Variants in NLRP8 observed in about 807,000 individuals in gnomAD.
NLRP8 encodes the protein NLR family pyrin domain containing 8.
NLRP8 carries 86 observed loss-of-function variants against 88.7 expected under a neutral mutation model. The observed-to-expected ratio is 0.97, with a 90% CI of 0.81 to 1.16. The LOEUF (loss-of-function observed/expected upper bound fraction) is 1.16. Ranked by LOEUF, NLRP8 falls within the 50% of genes most tolerant of loss-of-function variation. The probability of loss-of-function intolerance (pLI) is 0.00; values close to 1 mark genes in which losing one functional copy is unlikely to be tolerated. For missense variants in NLRP8, 1,342 were observed against 1,286.5 expected, an observed-to-expected ratio of 1.04 and a Z score of -0.66; for synonymous variants, 504 against 494.6, an observed-to-expected ratio of 1.02 and a Z score of -0.25.
chr19:55,963,750 T>C (rs1445296499), intron 4 of NLRP8, among the ~76,000 whole-genome samples: 2 of 152,000 alleles, frequency 1.3e-5, no homozygotes, highest in African/African-American at 4.8e-5. Context: ...AGACAAGGTC[T>C]CCCTAGGTTG....
Position 55,979,446 on chromosome 19 carries a change from C to T in NLRP8, c.2929C>T (p.Leu977Phe), listed in dbSNP as rs749639883. ...CTGCTGCCAGGCCATGGCTTCCATG[C>T]TCCGCAAAAACCAACATCTGAGACA... The change falls in exon 9 of 10, where the codon CTC becomes TTC. Residue 977 changes from leucine (L) to phenylalanine (F), a missense_variant. Physicochemically the swap from Leu to Phe is conservative, Grantham distance 22. Transcript: ENST00000291971. 2 of 1,614,182 alleles carry T rather than the reference C, an allele frequency of 1.2e-6. No individual in the cohort carries two copies. The highest frequency in any genetic ancestry group is 2.2e-5 in the East Asian group (1 of 44,874).
chr19:55,987,049 G>A (rs753363517), intron 9 of NLRP8, among the ~76,000 whole-genome samples: 1 of 152,238 alleles, frequency 6.6e-6, no homozygotes, highest in South Asian at 2.1e-4. Flanking sequence ...TAAGTCTCTC[G>A]TCCTTTTCAG....
intron 9 of NLRP8, among the ~76,000 whole-genome samples, chr19:55,983,292 C>T (rs1395640365): frequency 6.6e-6 from 1 of 151,640 alleles, no homozygotes; most frequent in African/African-American, 2.4e-5. Flanking sequence ...GGTAAAACCC[C>T]ATCTCTACTA....
In NLRP8 at chr19:55,970,659, G is replaced by A. The variant is rs1269673676; in HGVS notation, c.2497G>A (p.Ala833Thr). Residue 833 changes from alanine (A) to threonine (T), a missense_variant, in exon 6 of 10, where the codon GCG becomes ACG. Ala to Thr is a moderately conservative substitution (Grantham distance 58). Transcript: ENST00000291971. The stretch of plus-strand genomic sequence containing the variant: ...AAAAAACTCCCTGGAGAACTGTGGG[G>A]CGTATTACCTGTCTGTGGCCCAGCT... 5 of 1,614,126 alleles carry A rather than the reference G, an allele frequency of 3.1e-6. No homozygotes were observed. The South Asian group carries it at 3.3e-5, about 11-fold the overall frequency.
chr19:55,973,771 A>T lies in NLRP8; in HGVS notation c.2654A>T (p.Lys885Met). The T allele has an allele frequency of 1.9e-6, 3 of 1,614,090 alleles. No homozygotes were observed. Among genetic ancestry groups the T allele is most frequent in the Non-Finnish European group, 2.5e-6 (3 of 1,179,972 alleles). Residue 885 changes from lysine to methionine, a missense_variant, in exon 7 of 10, where the codon AAG becomes ATG. By Grantham distance (95) the Lys-to-Met change is moderately conservative. Coordinates refer to ENST00000291971, the MANE Select transcript of NLRP8 (RefSeq NM_176811.2). ...AACGCCTTGAAAGATGAAGGGGCCAAGCATATTTGGAATGCCCTGCCACAC... is the reference window on the plus strand; with the variant it reads ...AACGCCTTGAAAGATGAAGGGGCCATGCATATTTGGAATGCCCTGCCACAC...
intron 3 of NLRP8, among the ~76,000 whole-genome samples, chr19:55,958,139 AT>A (rs1193838915): frequency 2.0e-5 from 3 of 152,140 alleles, no homozygotes; most frequent in African/African-American, 7.2e-5. Flanking sequence ...GAGAGAGGCG[AT>A]TTAGACTGAC....
intron 7 of NLRP8, among the ~76,000 whole-genome samples, chr19:55,974,231 T>C (rs1052224230): frequency 7.3e-5 from 11 of 150,958 alleles, no homozygotes; most frequent in African/African-American, 2.7e-4. Flanking sequence ...TGAGAGGGGC[T>C]TCTGGCCGAG....
At chr19:55,948,343 C>CCT in intron 1 of NLRP8, 74 bp downstream of exon 1, 2 of 1,471,440 alleles carry the variant, frequency 1.4e-6, no homozygotes, top group South Asian at 1.3e-5. Context: ...AGTCACCACC[C>CCT]CTATCACTTA....
intron 2 of NLRP8, among the ~76,000 whole-genome samples, chr19:55,953,318 G>A (rs1203511266): frequency 6.6e-6 from 1 of 151,994 alleles, no homozygotes; most frequent in African/African-American, 2.4e-5. Context: ...ATTATACTGA[G>A]TTGTATAATT....
At chr19:55,958,316 T>C (rs931203839) in intron 3 of NLRP8, among the ~76,000 whole-genome samples, 5 of 152,356 alleles carry the variant, frequency 3.3e-5, no homozygotes, top group African/African-American at 9.6e-5. Context: ...ATGCTCATCC[T>C]AGACATATAC....
intron 8 of NLRP8, 85 bp downstream of exon 8, chr19:55,976,388 C>G: frequency 1.7e-6 from 2 of 1,181,896 alleles, no homozygotes; most frequent in Non-Finnish European, 2.3e-6. Context: ...CAGGAAAGGG[C>G]TGTCTTTTTA....
intron 4 of NLRP8, among the ~76,000 whole-genome samples, chr19:55,965,759 A>G (rs306498): frequency 0.55 from 82,657 of 151,086 alleles, 22,603 homozygotes; most frequent in East Asian, 0.61. Context: ...GCACCCATCA[A>G]CTCATCATCT....
Position 55,987,927 on chromosome 19 carries a change from C to T in NLRP8, c.*14C>T, listed in dbSNP as rs764525969. ...ATTAATCCTTAGGCCGTCCAGTCAT[C>T]TTTCTCTGGGGCTTGATTGATCAGT... On this transcript the variant is annotated 3_prime_UTR_variant, in exon 10 of 10. Transcript: ENST00000291971. 5.0e-6 allele frequency: 8 copies of T among 1,584,616 alleles called. No homozygotes were observed. Among genetic ancestry groups the T allele is most frequent in the Non-Finnish European group, 6.9e-6 (8 of 1,153,176 alleles).
chr19:55,984,702 T>C (rs1372402677), intron 9 of NLRP8, among the ~76,000 whole-genome samples: 1 of 149,192 alleles, frequency 6.7e-6, no homozygotes, highest in Non-Finnish European at 1.5e-5. Context: ...CCAGGCCCAG[T>C]GGCTCACGCC....
chr19:55,957,109 G>GT (rs1321937258), intron 3 of NLRP8, among the ~76,000 whole-genome samples: 1 of 152,138 alleles, frequency 6.6e-6, no homozygotes, highest in Non-Finnish European at 1.5e-5. Context: ...CTACTTTTGT[G>GT]TATCAGAAGC....
chr19:55,973,291 G>A (rs947984642), intron 6 of NLRP8, among the ~76,000 whole-genome samples: 41 of 151,552 alleles, frequency 2.7e-4, no homozygotes, highest in African/African-American at 1.0e-3. Flanking sequence ...TTTTTGATGG[G>A]ATTTTTTTTT....
At position 55,956,046 on chromosome 19, in the gene NLRP8, C is replaced by T. The variant is rs752969254; in HGVS notation, c.1988C>T (p.Thr663Ile). Residue 663 changes from threonine (T) to isoleucine (I), a missense_variant, in exon 3 of 10, where the codon ACC becomes ATC. Thr to Ile is a moderately conservative substitution (Grantham distance 89, BLOSUM62 -1). Transcript: ENST00000291971. ...TTGCATGAGGTGGAACTGACCGTCACCCTGAACTTCATGAACGTGTGGAAG... is the reference window on the plus strand; with the variant it reads ...TTGCATGAGGTGGAACTGACCGTCATCCTGAACTTCATGAACGTGTGGAAG... The T allele has an allele frequency of 5.0e-6, 8 of 1,614,092 alleles. No homozygotes were observed. The highest frequency in any genetic ancestry group is 6.8e-6 in the Non-Finnish European group (8 of 1,179,996).
chr19:55,988,024 G>C lies in NLRP8; in HGVS notation c.*111G>C. 1 of 780,908 alleles carries C rather than the reference G, an allele frequency of 1.3e-6. No homozygotes were observed. The highest frequency in any genetic ancestry group is 2.0e-5 in the Admixed American group (1 of 49,320). The allele number at this position is 780,908 out of a possible 1,614,324, so 48.4% of individuals were successfully genotyped here. A position where few individuals can be genotyped will look rare whatever the true frequency, so the allele number is the denominator to read the frequency against. ...CATTAACGTACTTTCCCCTGAAACA[G>C]AGCAACCCAGTCAACACCACAGAAC... On this transcript the variant is annotated 3_prime_UTR_variant, in exon 10 of 10. Coordinates refer to ENST00000291971, the MANE Select transcript of NLRP8 (RefSeq NM_176811.2).
In NLRP8 at chr19:55,973,663, GC is replaced by G. The variant is rs777315686; in HGVS notation, c.2547del (p.Cys849Ter). ...CTTCTCTCCCATAGGATAGAGAACT[GC>G]AACCTTACACAGCTTACTTGTGAAA... is the stretch of plus-strand genomic sequence containing the variant. On this transcript the variant is annotated frameshift_variant, in exon 7 of 10. Coordinates refer to ENST00000291971, the MANE Select transcript of NLRP8 (RefSeq NM_176811.2). LOFTEE classifies it high-confidence loss of function. 1.2e-6 allele frequency: 2 copies of G among 1,609,672 alleles called. No homozygotes were observed. The highest frequency in any genetic ancestry group is 3.3e-5 in the Admixed American group (2 of 59,744).
Sources: allele counts gnomAD v4.1 joint callset (sites outside exome capture counted in the v4.1 genomes callset), GRCh38; gene constraint gnomAD v4.1.1; transcripts MANE v1.5; gene names NCBI Gene and HGNC (gene_info 2026-07-23, HGNC 2026-07-21).